The following ALPK1 variants were observed in gnomAD, a reference collection of about 807,000 sequenced individuals.
ALPK1 encodes alpha kinase 1.
A neutral mutation model predicts 120.6 loss-of-function variants in ALPK1; 110 were observed. The observed-to-expected ratio is 0.91, with a 90% CI of 0.78 to 1.07. The LOEUF is 1.07. Among genes scored for constraint, ALPK1 ranks in the 50% least tolerant of loss-of-function variants. ALPK1 has a pLI of 0.00. For missense variants in ALPK1, 1,498 were observed against 1,483.9 expected (o/e 1.01, Z -0.16); for synonymous variants, 582 against 560.3 (o/e 1.04, Z -0.55).
chr4:112,366,917 G>A (rs1731183492), intron 2 of ALPK1, among the ~76,000 whole-genome samples: 1 of 152,176 alleles, frequency 6.6e-6, no homozygotes, highest in South Asian at 2.1e-4. Context: ...TGGAATTAAA[G>A]ACCATTATTC....
intron 2 of ALPK1, chr4:112,356,663 G>T (rs774336478): frequency 3.0e-5 from 26 of 879,642 alleles, no homozygotes; most frequent in Non-Finnish European, 4.6e-5. Context: ...CAACAATGTA[G>T]AAGAGAAAAG....
rs201734481 is a variant in ALPK1 at position 112,431,959 on chromosome 4, G to C, written c.2412G>C (p.Arg804Ser). 50 of 1,613,980 alleles carry C rather than the reference G, an allele frequency of 3.1e-5. No individual in the cohort carries two copies. In the Admixed American group the frequency reaches 4.7e-4, roughly 15 times the overall value. Residue 804 changes from arginine to serine, a missense_variant, in exon 11 of 16, where the codon AGG (arginine) becomes AGC (serine). Coordinates refer to ENST00000650871, the MANE Select transcript of ALPK1 (RefSeq NM_025144.4). Reference sequence around the variant, plus strand: ...AAGATGCACCCTTAGACTTTCACAGGGTCCTGCACAATTCTCTGGGAAACA... The same window carrying C: ...AAGATGCACCCTTAGACTTTCACAGCGTCCTGCACAATTCTCTGGGAAACA... ...STEDAPLDFH[R>S]VLHNSLGNIS...
At chr4:112,367,423 A>AT (rs200043658) in intron 2 of ALPK1, among the ~76,000 whole-genome samples, 18 of 152,032 alleles carry the variant, frequency 1.2e-4, no homozygotes, top group African/African-American at 3.9e-4. Flanking sequence ...ATGATAAAAG[A>AT]TTTTTTTTAT....
chr4:112,361,105 G>A (rs1386121130), intron 2 of ALPK1, among the ~76,000 whole-genome samples: 1 of 152,226 alleles, frequency 6.6e-6, no homozygotes, highest in Non-Finnish European at 1.5e-5. Context: ...CTAACTTGCA[G>A]CTCTCACTCA....
At position 112,435,255 on chromosome 4, in the gene ALPK1, A is replaced by C; in HGVS notation, c.3142A>C (p.Asn1048His). The C allele has an allele frequency of 6.2e-7, 1 of 1,613,704 alleles. No homozygotes were observed. The highest frequency in any genetic ancestry group is 8.5e-7 in the Non-Finnish European group (1 of 1,179,890). Residue 1048 changes from asparagine (N) to histidine (H), a missense_variant, in exon 12 of 16, where the codon AAT becomes CAT. Physicochemically the swap from Asn to His is moderately conservative, Grantham distance 68. Transcript: ENST00000650871. ...LTVKKKGRQR[N>H]AFWVHHLHQE... Reference sequence around the variant, plus strand: ...TGTGAAGAAAAAAGGCAGACAAAGAAATGCTTTTTGGGTTCATCATCTTCA... The same window carrying C: ...TGTGAAGAAAAAAGGCAGACAAAGACATGCTTTTTGGGTTCATCATCTTCA...
chr4:112,395,832 C>T (rs1318083818), intron 4 of ALPK1, among the ~76,000 whole-genome samples: 1 of 114,482 alleles, frequency 8.7e-6, no homozygotes, highest in African/African-American at 3.3e-5. Flanking sequence ...TAGAAATGGT[C>T]AGCTATGATT....
rs182935738 is a variant in ALPK1 at position 112,430,301 on chromosome 4, C to T, written c.901-147C>T. ...CCTCGGGTCCTTAACTCAATGTTTG[C>T]CTGTATATTTTCCTTAGAATGTATG... On this transcript the variant is annotated intron_variant, in intron 10 of 15. Coordinates refer to ENST00000650871, the MANE Select transcript of ALPK1 (RefSeq NM_025144.4). 11 of 793,182 alleles carry T rather than the reference C, an allele frequency of 1.4e-5. No individual in the cohort carries two copies. The African/African-American group carries it at 1.7e-4, about 13-fold the overall frequency. 49.1% of individuals were successfully genotyped at this position (793,182 alleles called of 1,614,324 possible).
intron 4 of ALPK1, among the ~76,000 whole-genome samples, chr4:112,393,949 C>G (rs930155901): frequency 2.0e-5 from 3 of 148,950 alleles, no homozygotes; most frequent in African/African-American, 7.5e-5. Flanking sequence ...TATATATATA[C>G]TGTATATATA....
intron 4 of ALPK1, among the ~76,000 whole-genome samples, chr4:112,386,521 A>G (rs924022228): frequency 6.6e-6 from 1 of 152,210 alleles, no homozygotes; most frequent in African/African-American, 2.4e-5. Flanking sequence ...CTGCCCTTGT[A>G]AAACAAAGCA....
intron 2 of ALPK1, among the ~76,000 whole-genome samples, chr4:112,333,480 G>T (rs1729473612): frequency 6.6e-6 from 1 of 152,178 alleles, no homozygotes; most frequent in African/African-American, 2.4e-5. Flanking sequence ...CTAAGTATCT[G>T]TGTATCTTCA....
At chr4:112,361,660 C>T (rs1055766674) in intron 2 of ALPK1, among the ~76,000 whole-genome samples, 2 of 152,226 alleles carry the variant, frequency 1.3e-5, no homozygotes, top group African/African-American at 4.8e-5. Context: ...AAAGGACATA[C>T]TCTCTTGAGA....
intron 2 of ALPK1, chr4:112,357,151 C>A: frequency 6.9e-7 from 1 of 1,451,598 alleles, no homozygotes; most frequent in Non-Finnish European, 9.6e-7. Context: ...ACAGCGGTGT[C>A]ACCAAGCCAG....
At chr4:112,389,643 A>C (rs1187294042) in intron 4 of ALPK1, among the ~76,000 whole-genome samples, 2 of 152,218 alleles carry the variant, frequency 1.3e-5, no homozygotes, top group African/African-American at 2.4e-5. Flanking sequence ...CCGGTTGGAC[A>C]GACGGGGTGG....
chr4:112,391,190 C>T (rs1732399691), intron 4 of ALPK1, among the ~76,000 whole-genome samples: 1 of 152,126 alleles, frequency 6.6e-6, no homozygotes, highest in Admixed American at 6.5e-5. Flanking sequence ...CTGGAAGTGA[C>T]ATATGCCAGT....
At chr4:112,433,257 C>G (rs1179741186) in intron 11 of ALPK1, among the ~76,000 whole-genome samples, 1 of 152,146 alleles carries the variant, frequency 6.6e-6, no homozygotes. Context: ...AATTCTGGAG[C>G]CTGGAAGTCC....
At chr4:112,304,928 A>T (rs1727963275) in intron 1 of ALPK1, among the ~76,000 whole-genome samples, 1 of 152,096 alleles carries the variant, frequency 6.6e-6, no homozygotes, top group African/African-American at 2.4e-5. Flanking sequence ...ATTTTTGTGT[A>T]AGGTGTAAGG....
chr4:112,394,730 G>T (rs549124755), intron 4 of ALPK1, among the ~76,000 whole-genome samples: 1 of 152,286 alleles, frequency 6.6e-6, no homozygotes, highest in East Asian at 1.9e-4. Flanking sequence ...CTTTGATGAG[G>T]CTAAATCTAT....
intron 5 of ALPK1, among the ~76,000 whole-genome samples, chr4:112,420,183 G>C (rs1202672152): frequency 6.6e-6 from 1 of 152,228 alleles, no homozygotes; most frequent in East Asian, 1.9e-4. Context: ...CTCTAATGGG[G>C]AGACCCAGGC....
intron 2 of ALPK1, among the ~76,000 whole-genome samples, chr4:112,353,975 T>C (rs114965575): frequency 0.03 from 4,641 of 152,332 alleles, 124 homozygotes; most frequent in South Asian, 0.12. Flanking sequence ...ACTTTTCATA[T>C]GTTTATTAGC....
Sources: gnomAD v4.1 joint callset for allele counts (sites outside exome capture counted in the v4.1 genomes callset) on GRCh38, gnomAD v4.1.1 for gene constraint, MANE v1.5 for transcripts, NCBI Gene and HGNC (gene_info 2026-07-23, HGNC 2026-07-21) for gene names.